Variants in VPS13D observed in about 807,000 individuals in gnomAD.
The protein encoded by VPS13D is vacuolar protein sorting 13 homolog D.
A neutral mutation model predicts 461.9 loss-of-function variants in VPS13D; 187 were observed. That is an observed-to-expected ratio of 0.40 (90% CI 0.36 to 0.46). The LOEUF (loss-of-function observed/expected upper bound fraction) is 0.46. VPS13D is among the 20% of genes least tolerant of loss of function. VPS13D has a pLI of 0.60. For missense variants in VPS13D, 4,711 were observed against 5,364.9 expected (o/e 0.88, Z 3.81); for synonymous variants, 1,951 against 1,986.3 (o/e 0.98, Z 0.47).
In VPS13D at chr1:12,277,939, C is replaced by T. The variant is rs541278284; in HGVS notation, c.4351C>T (p.Arg1451Trp). Residue 1451 changes from arginine (R) to tryptophan (W), a missense_variant, in exon 19 of 70, where the codon CGG (arginine) becomes TGG (tryptophan). Physicochemically the swap from Arg to Trp is moderately radical, Grantham distance 101. Transcript: ENST00000620676. The part of the protein sequence containing the change: ...GREAVGSEGS[R>W]MFCPPSGSGS... ...AGAAGCTGTTGGGTCTGAAGGAAGC[C>T]GGATGTTTTGCCCACCTTCCGGGTC... is the stretch of plus-strand genomic sequence containing the variant. 143 of 1,614,134 alleles carry T rather than the reference C, an allele frequency of 8.9e-5. No individual in the cohort carries two copies. Among genetic ancestry groups the T allele is most frequent in the Non-Finnish European group, 1.1e-4 (134 of 1,180,026 alleles).
In VPS13D at chr1:12,276,521, T is replaced by C. The variant is rs776862782; in HGVS notation, c.2933T>C (p.Leu978Pro). The change falls in exon 19 of 70, where the codon CTC becomes CCC. Residue 978 changes from leucine to proline, a missense_variant. Transcript: ENST00000620676. The surrounding 1 kb of genome is among the most constrained non-coding windows in gnomAD (Gnocchi z 4.5). ...AGCAATGGCCGGTACATTTCTGTGC[T>C]CAAGGTGTTTGGTACCAATGCTCAC... ...VESNGRYISV[L>P]KVFGTNAHFV... The C allele has an allele frequency of 1.9e-6, 3 of 1,614,164 alleles. No individual in the cohort carries two copies. Among genetic ancestry groups the C allele is most frequent in the Non-Finnish European group, 2.5e-6 (3 of 1,180,034 alleles).
In VPS13D at chr1:12,277,766, G is replaced by A; in HGVS notation, c.4178G>A (p.Gly1393Glu). The change falls in exon 19 of 70, where the codon GGG (glycine) becomes GAG (glutamate). Residue 1393 changes from glycine (G) to glutamate (E), a missense_variant. By Grantham distance (98) the Gly-to-Glu change is moderately conservative. Coordinates refer to ENST00000620676, the MANE Select transcript of VPS13D (RefSeq NM_015378.4). Reference protein sequence around the residue: ...SPVVSIPRKPGSPELLVGHLG... With the variant: ...SPVVSIPRKPESPELLVGHLG... ...GTTGTTTCTATCCCTCGGAAGCCGG[G>A]GAGTCCTGAGTTGTTGGTGGGACAC... is the stretch of plus-strand genomic sequence containing the variant. 1 of 1,614,184 alleles carries A rather than the reference G, an allele frequency of 6.2e-7. No individual in the cohort carries two copies. Among genetic ancestry groups the A allele is most frequent in the Non-Finnish European group, 8.5e-7 (1 of 1,180,024 alleles).
rs1189336140 is a variant in VPS13D at position 12,333,303 on chromosome 1, C to T, written c.8365C>T (p.Arg2789Ter). The change falls in exon 38 of 70, where the codon CGA becomes TGA. Residue 2789 changes from arginine (R) to a stop codon, truncating the protein, a stop_gained. Transcript: ENST00000620676. LOFTEE classifies it high-confidence loss of function. ...QQAASRLHPPRLKLEAKAKPR... is the reference protein window; with the variant it reads ...QQAASRLHPP ...GGCAGCTAGTCGTCTCCATCCTCCT[C>T]GACTGAAGCTAGAAGCCAAGGCCAA... is the stretch of plus-strand genomic sequence containing the variant. 1 of 1,614,138 alleles carries T rather than the reference C, an allele frequency of 6.2e-7. No individual in the cohort carries two copies. The highest frequency in any genetic ancestry group is 2.2e-5 in the East Asian group (1 of 44,888).
intron 25 of VPS13D, among the ~76,000 whole-genome samples, chr1:12,300,762 C>T (rs1642403671): frequency 6.6e-6 from 1 of 152,126 alleles, no homozygotes; most frequent in Admixed American, 6.5e-5. Flanking sequence ...CTGAGAGGAC[C>T]TTTTAGATGG....
At chr1:12,387,426 A>C (rs976516033) in intron 60 of VPS13D, among the ~76,000 whole-genome samples, 1 of 152,284 alleles carries the variant, frequency 6.6e-6, no homozygotes, top group African/African-American at 2.4e-5. Flanking sequence ...GCAAAGGAGT[A>C]GGAAAACTTT....
intron 22 of VPS13D, among the ~76,000 whole-genome samples, chr1:12,288,743 G>A (rs949513201): frequency 2.0e-5 from 3 of 152,052 alleles, no homozygotes; most frequent in South Asian, 2.1e-4. Context: ...CTGTCTCTGG[G>A]AAACCAGAGG....
chr1:12,422,048 T>G (rs1644871765), intron 65 of VPS13D, among the ~76,000 whole-genome samples: 1 of 152,116 alleles, frequency 6.6e-6, no homozygotes, highest in Admixed American at 6.6e-5. Context: ...AGGCTGGTCT[T>G]GAACTCCTGA....
Position 12,354,106 on chromosome 1 carries a change from C to T in VPS13D, c.9564C>T (p.Asn3188=), listed in dbSNP as rs1643865701. 2 of 1,614,210 alleles carry T rather than the reference C, an allele frequency of 1.2e-6. No individual in the cohort carries two copies. Among genetic ancestry groups the T allele is most frequent in the African/African-American group, 2.7e-5 (2 of 75,040 alleles). The part of the protein sequence containing the change: ...IYLLPTVVIC[N]LLPCELDFYV... The stretch of plus-strand genomic sequence containing the variant: ...TCCTGCCAACTGTGGTAATCTGCAA[C>T]TTGCTACCCTGTGAACTTGATTTTT... The change falls in exon 47 of 70, where the codon AAC becomes AAT. Residue 3188 remains asparagine (N), a synonymous_variant. Transcript: ENST00000620676.
chr1:12,308,450 G>A lies in VPS13D; in HGVS notation c.6459G>A (p.Leu2153=). 6.2e-7 allele frequency: 1 copy of A among 1,614,122 alleles called. No homozygotes were observed. The highest frequency in any genetic ancestry group is 8.5e-7 in the Non-Finnish European group (1 of 1,180,040). Residue 2153 remains leucine (L), a synonymous_variant, in exon 27 of 70, where the codon CTG becomes CTA. Transcript: ENST00000620676. ...SSSPEDHVCL[L]DCVVVDLQDM... is the part of the protein sequence containing the mutation. ...TTGTAGAAGACCATGTCTGCCTGCT[G>A]GATTGCGTTGTCGTGGATCTCCAGG...
At chr1:12,263,425 C>T (rs749014535) in intron 13 of VPS13D, among the ~76,000 whole-genome samples, 21 of 152,102 alleles carry the variant, frequency 1.4e-4, no homozygotes, top group Non-Finnish European at 2.6e-4. Flanking sequence ...TGACAGAGTG[C>T]CATGAGGATT....
Position 12,369,465 on chromosome 1 carries a change from AG to A in VPS13D, c.10573del. The A allele has an allele frequency of 6.2e-7, 1 of 1,613,986 alleles. No individual in the cohort carries two copies. The highest frequency in any genetic ancestry group is 8.5e-7 in the Non-Finnish European group (1 of 1,179,952). On this transcript the variant is annotated splice_acceptor_variant, in intron 53 of 69. Transcript: ENST00000620676. LOFTEE classifies it high-confidence loss of function. ...TCTTTGTCCTCTCTGCCATCACTCT[AG>A]GTCCCGGTTGTCTTTACTCAGCATG...
chr1:12,382,929 C>T, intron 57 of VPS13D, 47 bp from the exon 58 acceptor site: 12 of 1,555,758 alleles, frequency 7.7e-6, no homozygotes, highest in Middle Eastern at 1.7e-4. Flanking sequence ...TTGTCAAAGT[C>T]AGTGCCTCTG....
intron 24 of VPS13D, among the ~76,000 whole-genome samples, chr1:12,295,714 G>A (rs1419414704): frequency 6.6e-6 from 1 of 151,990 alleles, no homozygotes; most frequent in Non-Finnish European, 1.5e-5. Flanking sequence ...ATGTATATAT[G>A]TCACAGAGTA....
chr1:12,296,144 G>A, intron 24 of VPS13D, among the ~76,000 whole-genome samples: 1 of 152,122 alleles, frequency 6.6e-6, no homozygotes, highest in East Asian at 1.9e-4. Context: ...GAGTCCTGAT[G>A]CACATACTTG....
Position 12,260,728 on chromosome 1 carries a change from T to G in VPS13D, c.1146T>G (p.Phe382Leu), listed in dbSNP as rs1641081050. ...GTCGGATTGAAGAGGAACAGAGCTT[T>G]GAGGAATTGAAGATTTTGCGTGAAC... ...EMCRIEEEQS[F>L]EELKILRELV... Residue 382 changes from phenylalanine (F) to leucine (L), a missense_variant, in exon 11 of 70, where the codon TTT becomes TTG. Physicochemically the swap from Phe to Leu is conservative, Grantham distance 22 (BLOSUM62 0). This residue lies in a region of VPS13D where 4,411 missense variants were observed against 4,937.8 expected (regional missense o/e 0.89). Transcript: ENST00000620676. 1 of 1,614,154 alleles carries G rather than the reference T, an allele frequency of 6.2e-7. No homozygotes were observed. Among genetic ancestry groups the G allele is most frequent in the Non-Finnish European group, 8.5e-7 (1 of 1,180,018 alleles).
Position 12,279,230 on chromosome 1 carries a change from G to A in VPS13D, c.4451-269G>A, listed in dbSNP as rs150416320. 6.7e-4 allele frequency among the ~76,000 whole-genome samples: 102 copies of A among 152,270 alleles called. No individual in the cohort carries two copies. Among genetic ancestry groups the A allele is most frequent in the African/African-American group, 2.1e-3 (88 of 41,550 alleles). On this transcript the variant is annotated intron_variant, in intron 19 of 69. Transcript: ENST00000620676. The surrounding 1 kb of genome is among the most constrained non-coding windows in gnomAD (Gnocchi z 4.3). The stretch of plus-strand genomic sequence containing the variant: ...GGACTGGAATAATGTTCACCACATC[G>A]TGCTTTGAAGCTACCAAGTGGAGCA...
chr1:12,394,793 A>G (rs1570085165), intron 60 of VPS13D, among the ~76,000 whole-genome samples: 1 of 152,088 alleles, frequency 6.6e-6, no homozygotes, highest in Non-Finnish European at 1.5e-5. Context: ...CTTTTAATCC[A>G]TATTTCAGCT....
intron 69 of VPS13D, among the ~76,000 whole-genome samples, chr1:12,508,108 A>T (rs1040331892): frequency 1.3e-5 from 2 of 152,210 alleles, no homozygotes; most frequent in African/African-American, 2.4e-5. Flanking sequence ...GAGCTGGCTG[A>T]TGAAGAGGGC....
chr1:12,461,218 A>AT (rs952326083), intron 67 of VPS13D, among the ~76,000 whole-genome samples: 2 of 152,118 alleles, frequency 1.3e-5, no homozygotes, highest in African/African-American at 4.8e-5. Flanking sequence ...TGGATAATAG[A>AT]TTTTCCCTGA....
Sources: allele counts gnomAD v4.1 joint callset (sites outside exome capture counted in the v4.1 genomes callset), GRCh38; gene constraint gnomAD v4.1.1; regional missense constraint gnomAD v4.1.1; non-coding constraint Gnocchi (gnomAD v3.1); transcripts MANE v1.5; gene names NCBI Gene and HGNC (gene_info 2026-07-23, HGNC 2026-07-21).